Variants in CEP128 observed in about 807,000 individuals in gnomAD.
The protein encoded by CEP128 is centrosomal protein 128kDa.
In CEP128, 132 loss-of-function variants were observed where a neutral mutation model predicts 156.7. That is an observed-to-expected ratio of 0.84 (90% CI 0.73 to 0.97). The LOEUF (loss-of-function observed/expected upper bound fraction) is 0.97. Among genes scored for constraint, CEP128 ranks in the 50% least tolerant of loss-of-function variants. The pLI is 0.00. For missense variants in CEP128, 1,252 were observed against 1,281.9 expected (o/e 0.98, Z 0.36); for synonymous variants, 469 against 448.9 (o/e 1.04, Z -0.57).
At chr14:80,873,480 A>G (rs1038005527) in intron 8 of CEP128, among the ~76,000 whole-genome samples, 2 of 152,250 alleles carry the variant, frequency 1.3e-5, no homozygotes, top group Non-Finnish European at 2.9e-5. Context: ...GTGAAAGGTG[A>G]AACAATAAAT....
rs983624941 is a variant in CEP128 at position 80,539,047 on chromosome 14, A to T, written c.2881-8161T>A. On this transcript the variant is annotated intron_variant, in intron 21 of 24. Coordinates refer to ENST00000555265, the MANE Select transcript of CEP128 (RefSeq NM_152446.5). ...TCAGCAAATACTACGTAAACAAATG[A>T]ATGAATACTATTTGATGAAGGAAAG... Among the ~76,000 whole-genome samples, 10 of 152,356 alleles carry T rather than the reference A, an allele frequency of 6.6e-5. 4 individuals carry two copies. Among genetic ancestry groups the T allele is most frequent in the Admixed American group, 6.5e-4 (10 of 15,300 alleles).
At chr14:80,549,460 T>C (rs887919103) in intron 21 of CEP128, among the ~76,000 whole-genome samples, 2 of 152,214 alleles carry the variant, frequency 1.3e-5, no homozygotes, top group African/African-American at 4.8e-5. Flanking sequence ...ACTGAACCTT[T>C]CAGGCAACTT....
chr14:80,508,614 C>T (rs955190493), intron 23 of CEP128, among the ~76,000 whole-genome samples: 4 of 151,908 alleles, frequency 2.6e-5, no homozygotes, highest in African/African-American at 9.7e-5. Flanking sequence ...AAACTTTTGT[C>T]CATATTTTTA....
chr14:80,657,221 C>T (rs530035514), intron 19 of CEP128, among the ~76,000 whole-genome samples: 51 of 151,256 alleles, frequency 3.4e-4, no homozygotes, highest in African/African-American at 1.2e-3. Context: ...TACGCCACTG[C>T]GCTCCAGCCT....
chr14:80,627,505 T>A (rs944258525), intron 19 of CEP128, among the ~76,000 whole-genome samples: 1 of 152,230 alleles, frequency 6.6e-6, no homozygotes, highest in African/African-American at 2.4e-5. Flanking sequence ...CCATTGTAGA[T>A]GTTCAATTAA....
At chr14:80,876,964 T>C (rs915234827) in intron 8 of CEP128, among the ~76,000 whole-genome samples, 1 of 152,190 alleles carries the variant, frequency 6.6e-6, no homozygotes, top group African/African-American at 2.4e-5. Context: ...TAAACCTTTA[T>C]TGCATAAAAT....
chr14:80,504,682 T>G (rs533131563), intron 24 of CEP128, among the ~76,000 whole-genome samples: 2 of 152,172 alleles, frequency 1.3e-5, no homozygotes, highest in African/African-American at 4.8e-5. Context: ...TCACCTTGGG[T>G]GGTTATTTAA....
chr14:80,822,554 A>C, intron 13 of CEP128: 1 of 675,262 alleles, frequency 1.5e-6, no homozygotes, highest in Non-Finnish European at 2.8e-6. Context: ...AGGGGATGCT[A>C]AAGGAGATAA....
chr14:80,929,221 G>A (rs1885314911), intron 2 of CEP128, among the ~76,000 whole-genome samples: 1 of 152,138 alleles, frequency 6.6e-6, no homozygotes, highest in Admixed American at 6.5e-5. Flanking sequence ...AACAACAATA[G>A]ATATTGGTGT....
intron 19 of CEP128, among the ~76,000 whole-genome samples, chr14:80,617,526 C>T (rs1376058294): frequency 5.3e-5 from 8 of 152,034 alleles, no homozygotes; most frequent in Non-Finnish European, 7.4e-5. Context: ...TGAGCCACCG[C>T]GCCCGGCCGT....
At chr14:80,676,252 G>A (rs1006805931) in intron 19 of CEP128, among the ~76,000 whole-genome samples, 11 of 151,756 alleles carry the variant, frequency 7.2e-5, no homozygotes, top group Admixed American at 5.2e-4. Flanking sequence ...GTAAAGTTTT[G>A]TGTAGGTACA....
intron 24 of CEP128, 37 bp from the exon 25 acceptor site, chr14:80,497,619 G>T: frequency 7.1e-7 from 1 of 1,418,142 alleles, no homozygotes; most frequent in Non-Finnish European, 9.9e-7. Flanking sequence ...ATAAACCTAG[G>T]TGAATATAAA....
chr14:80,708,118 G>T (rs560101199), intron 19 of CEP128, among the ~76,000 whole-genome samples: 1 of 151,542 alleles, frequency 6.6e-6, no homozygotes, highest in African/African-American at 2.4e-5. Context: ...TTTTCTTCAC[G>T]TCCCCTATGG....
intron 19 of CEP128, among the ~76,000 whole-genome samples, chr14:80,729,052 GGTGGGGGTGTGT>G (rs1898130846): frequency 9.5e-5 from 9 of 94,694 alleles, no homozygotes; most frequent in African/African-American, 5.0e-4. Flanking sequence ...AGGCTGGGCT[GGTGGGGGTGTGT>G]GTGTGTGTGT....
chr14:80,569,186 G>T (rs1003795895), intron 20 of CEP128, among the ~76,000 whole-genome samples: 2 of 152,134 alleles, frequency 1.3e-5, no homozygotes, highest in Non-Finnish European at 2.9e-5. Flanking sequence ...CTAAATTTCT[G>T]CATTTAGAGA....
intron 19 of CEP128, among the ~76,000 whole-genome samples, chr14:80,740,246 C>A (rs1336733250): frequency 6.6e-6 from 1 of 151,976 alleles, no homozygotes; most frequent in Non-Finnish European, 1.5e-5. Context: ...GCATTGGAGA[C>A]ACAGCATTCA....
intron 12 of CEP128, among the ~76,000 whole-genome samples, chr14:80,832,334 G>A (rs1230679410): frequency 6.6e-6 from 1 of 151,764 alleles, no homozygotes; most frequent in Non-Finnish European, 1.5e-5. Flanking sequence ...TCAACAACTG[G>A]AACATATACT....
chr14:80,527,357 GC>G, intron 22 of CEP128: 1 of 306,534 alleles, frequency 3.3e-6, no homozygotes, highest in Non-Finnish European at 6.8e-6. Context: ...GATTGCTTGA[GC>G]CCAGGAGGCA....
chr14:80,742,142 T>TA (rs1478691157), intron 19 of CEP128, among the ~76,000 whole-genome samples: 9 of 152,220 alleles, frequency 5.9e-5, no homozygotes, highest in African/African-American at 1.9e-4. Flanking sequence ...GCAGTACTGT[T>TA]ACAATATTTT....
Sources: allele counts gnomAD v4.1 joint callset (sites outside exome capture counted in the v4.1 genomes callset), GRCh38; gene constraint gnomAD v4.1.1; transcripts MANE v1.5; gene names NCBI Gene and HGNC (gene_info 2026-07-23, HGNC 2026-07-21).